Variants in ZSWIM5 observed in about 807,000 individuals in gnomAD.
ZSWIM5 encodes zinc finger SWIM domain-containing protein 5.
In ZSWIM5, 55 loss-of-function variants were observed where a neutral mutation model predicts 119.6. The observed-to-expected ratio is 0.46, with a 90% confidence interval of 0.37 to 0.58. The LOEUF is 0.58. ZSWIM5 is among the 20% of genes least tolerant of loss of function. ZSWIM5 has a pLI of 0.00. For synonymous variants in ZSWIM5, 537 were observed against 606.9 expected (o/e 0.88, Z 1.69); for missense variants, 1,193 against 1,512.8 (o/e 0.79, Z 3.51).
Position 45,095,414 on chromosome 1 carries a change from C to T in ZSWIM5, c.596-7177G>A, listed in dbSNP as rs542276035. 1.0e-3 allele frequency among the ~76,000 whole-genome samples: 156 copies of T among 152,216 alleles called. 5 individuals are homozygous for T. Among genetic ancestry groups the T allele is most frequent in the Non-Finnish European group, 2.9e-4 (20 of 68,038 alleles). On this transcript the variant is annotated intron_variant, in intron 1 of 13. Transcript: ENST00000359600. Reference sequence around the variant, plus strand: ...GTCCTGGGATTATAGGCATGAACCACTGTGCCTGGCTCTTTATTTTTATTT... The same window carrying T: ...GTCCTGGGATTATAGGCATGAACCATTGTGCCTGGCTCTTTATTTTTATTT...
intron 2 of ZSWIM5, among the ~76,000 whole-genome samples, chr1:45,061,916 C>T (rs1645154117): frequency 6.6e-6 from 1 of 151,872 alleles, no homozygotes; most frequent in Non-Finnish European, 1.5e-5. Context: ...CATGGCGAAA[C>T]CCTCCTCTAC....
rs760608325 is a variant in ZSWIM5, at chr1:45,035,697, C to T, written c.2282G>A (p.Arg761His). 12 of 1,613,188 alleles carry T rather than the reference C, an allele frequency of 7.4e-6. No individual in the cohort carries two copies. The highest frequency in any genetic ancestry group is 1.3e-5 in the African/African-American group (1 of 74,830). The change falls in exon 10 of 14, where the codon CGT becomes CAT. Residue 761 changes from arginine to histidine, a missense_variant. By Grantham distance (29) the Arg-to-His change is conservative (BLOSUM62 0). Coordinates refer to ENST00000359600, the MANE Select transcript of ZSWIM5 (RefSeq NM_020883.2). ...GGAAAGGGCTACCCACCTCATGGCACGTAAGGCTAATTTATAGGACAGGTC... is the reference window on the plus strand; with the variant it reads ...GGAAAGGGCTACCCACCTCATGGCATGTAAGGCTAATTTATAGGACAGGTC... ...DPDLSYKLAL[R>H]AMRLPVLENS...
intron 1 of ZSWIM5, among the ~76,000 whole-genome samples, chr1:45,117,532 G>C (rs1474706595): frequency 6.6e-6 from 1 of 152,150 alleles, no homozygotes; most frequent in Non-Finnish European, 1.5e-5. Flanking sequence ...AATTAGCCAG[G>C]CATGATAGTA....
rs374083273 is a variant in ZSWIM5 at position 45,051,167 on chromosome 1, C to T, written c.1339G>A (p.Asp447Asn). ...CWLQQLQKWS[D>N]LDVCPLEDGN... ...TCCTCCAGGGGACAGACATCCAGGT[C>T]GCTCCACTTCTGCAGCTGCTGCAGC... Residue 447 changes from aspartate to asparagine, a missense_variant, in exon 5 of 14, where the codon GAC becomes AAC. By Grantham distance (23) the Asp-to-Asn change is conservative. Around this residue, in one of 2 missense-constraint regions of ZSWIM5, gnomAD observed 961 missense variants for 1,290.0 expected, o/e 0.74. Coordinates refer to ENST00000359600, the MANE Select transcript of ZSWIM5 (RefSeq NM_020883.2). The T allele has an allele frequency of 1.7e-5, 27 of 1,614,094 alleles. No individual in the cohort carries two copies. Among genetic ancestry groups the T allele is most frequent in the African/African-American group, 1.2e-4 (9 of 74,924 alleles).
At chr1:45,070,298 G>C (rs2149004424) in intron 2 of ZSWIM5, 1 of 1,432,956 alleles carries the variant, frequency 7.0e-7, no homozygotes, top group Non-Finnish European at 9.8e-7. Flanking sequence ...TTCCTCTGGT[G>C]ATGAGGAAGT....
chr1:45,151,589 A>G (rs1174076426), intron 1 of ZSWIM5, among the ~76,000 whole-genome samples: 3 of 152,126 alleles, frequency 2.0e-5, no homozygotes, highest in African/African-American at 4.8e-5. Context: ...TCTCAAGGAA[A>G]GTATAGGACA....
At chr1:45,036,379 G>A in intron 8 of ZSWIM5, 80 bp from the exon 9 acceptor site, 1 of 1,489,806 alleles carries the variant, frequency 6.7e-7, no homozygotes. Flanking sequence ...TTTTGAGACA[G>A]AGTCTTGCTC....
intron 1 of ZSWIM5, among the ~76,000 whole-genome samples, chr1:45,197,463 A>G (rs1646133452): frequency 6.6e-6 from 1 of 152,194 alleles, no homozygotes; most frequent in African/African-American, 2.4e-5. Context: ...CCGTGTTGCT[A>G]GCCTATCAGT....
chr1:45,185,871 T>C (rs1422733695), intron 1 of ZSWIM5, among the ~76,000 whole-genome samples: 3 of 152,186 alleles, frequency 2.0e-5, no homozygotes, highest in Non-Finnish European at 2.9e-5. Context: ...GAACTATCAA[T>C]ACCATTTGAC....
At chr1:45,131,746 AAT>A (rs1645658311) in intron 1 of ZSWIM5, among the ~76,000 whole-genome samples, 1 of 151,052 alleles carries the variant, frequency 6.6e-6, no homozygotes, top group African/African-American at 2.4e-5. Context: ...AAAAAAAAAA[AAT>A]CACAATCACA....
chr1:45,186,566 T>G (rs974822041), intron 1 of ZSWIM5, among the ~76,000 whole-genome samples: 1 of 151,966 alleles, frequency 6.6e-6, no homozygotes, highest in Non-Finnish European at 1.5e-5. Context: ...AGCCTCTAGA[T>G]GGAATACAGC....
intron 1 of ZSWIM5, among the ~76,000 whole-genome samples, chr1:45,184,436 T>C (rs9429148): frequency 0.88 from 134,134 of 151,822 alleles, 59,578 homozygotes; most frequent in East Asian, 1. Flanking sequence ...GGGTATTCAA[T>C]TAGGAAAAGA....
chr1:45,192,458 C>T (rs1333500627), intron 1 of ZSWIM5, among the ~76,000 whole-genome samples: 2 of 152,152 alleles, frequency 1.3e-5, no homozygotes, highest in Non-Finnish European at 2.9e-5. Flanking sequence ...TTAGGATTTC[C>T]TTCCTTTTCA....
At chr1:45,183,873 G>C (rs981761532) in intron 1 of ZSWIM5, among the ~76,000 whole-genome samples, 1 of 152,184 alleles carries the variant, frequency 6.6e-6, no homozygotes, top group African/African-American at 2.4e-5. Context: ...AATAGAAAAA[G>C]AGGGAATCCT....
chr1:45,132,399 A>C (rs1435198285), intron 1 of ZSWIM5, among the ~76,000 whole-genome samples: 1 of 152,138 alleles, frequency 6.6e-6, no homozygotes, highest in Non-Finnish European at 1.5e-5. Context: ...GTAGCATTGA[A>C]AGTTAAACAA....
In ZSWIM5 at chr1:45,051,173, A is replaced by T. The variant is rs1223356470; in HGVS notation, c.1333T>A (p.Trp445Arg). The change falls in exon 5 of 14, where the codon TGG becomes AGG. Residue 445 changes from tryptophan (W) to arginine (R), a missense_variant. Coordinates refer to ENST00000359600, the MANE Select transcript of ZSWIM5 (RefSeq NM_020883.2). ...AGGGGACAGACATCCAGGTCGCTCCACTTCTGCAGCTGCTGCAGCCAGCAG... is the reference window on the plus strand; with the variant it reads ...AGGGGACAGACATCCAGGTCGCTCCTCTTCTGCAGCTGCTGCAGCCAGCAG... ...KSCWLQQLQK[W>R]SDLDVCPLED... is the part of the protein sequence containing the mutation. The T allele has an allele frequency of 6.2e-7, 1 of 1,614,070 alleles. No homozygotes were observed. Among genetic ancestry groups the T allele is most frequent in the Non-Finnish European group, 8.5e-7 (1 of 1,180,046 alleles).
intron 3 of ZSWIM5, among the ~76,000 whole-genome samples, chr1:45,059,111 T>C (rs1250306779): frequency 1.3e-5 from 2 of 152,300 alleles, no homozygotes; most frequent in East Asian, 1.9e-4. Flanking sequence ...TGATTAAGCA[T>C]AGAGTTACCA....
At chr1:45,145,052 A>AC (rs1645752117) in intron 1 of ZSWIM5, among the ~76,000 whole-genome samples, 1 of 152,232 alleles carries the variant, frequency 6.6e-6, no homozygotes, top group African/African-American at 2.4e-5. Context: ...GCAAATAAGT[A>AC]CATGAAAAAA....
rs76724720 is a variant in ZSWIM5 at position 45,098,762 on chromosome 1, C to A, written c.596-10525G>T. 1.7e-3 allele frequency among the ~76,000 whole-genome samples: 265 copies of A among 152,316 alleles called. 4 individuals are homozygous for A. The highest frequency in any genetic ancestry group is 6.8e-3 in the Middle Eastern group (2 of 294). ...AAGAAACTCACTCAAAACCGCACAACTACATGGAAACTGAACAACCTGCTC... is the reference window on the plus strand; with the variant it reads ...AAGAAACTCACTCAAAACCGCACAAATACATGGAAACTGAACAACCTGCTC... On this transcript the variant is annotated intron_variant, in intron 1 of 13. Coordinates refer to ENST00000359600, the MANE Select transcript of ZSWIM5 (RefSeq NM_020883.2).
Sources: gnomAD v4.1 joint callset for allele counts (sites outside exome capture counted in the v4.1 genomes callset) on GRCh38, gnomAD v4.1.1 for gene constraint, gnomAD v4.1.1 regional missense constraint, MANE v1.5 for transcripts, NCBI Gene and HGNC (gene_info 2026-07-23, HGNC 2026-07-21) for gene names.